ATOH8: variants seen among roughly 807,000 people sequenced by gnomAD.
The protein encoded by ATOH8 is atonal bHLH transcription factor 8.
A neutral mutation model predicts 21.2 loss-of-function variants in ATOH8; 9 were observed. The ratio of observed to expected loss-of-function variants is 0.42; its 90% CI spans 0.26 to 0.74. The LOEUF (loss-of-function observed/expected upper bound fraction) is 0.74, where lower values mean the gene tolerates loss of function less well. ATOH8 is among the 30% of genes least tolerant of loss of function. ATOH8 has a pLI of 0.24. For missense variants in ATOH8, 524 were observed against 470.9 expected (o/e 1.11, Z -1.04); for synonymous variants, 253 against 224.0 (o/e 1.13, Z -1.16).
intron 2 of ATOH8, among the ~76,000 whole-genome samples, chr2:85,767,874 G>A (rs1161363701): frequency 7.2e-5 from 11 of 152,226 alleles, no homozygotes; most frequent in Non-Finnish European, 1.3e-4. Flanking sequence ...GGGCACAGGA[G>A]GGCAGGAGAG....
chr2:85,790,602 T>A lies in ATOH8; in HGVS notation c.*3712T>A. Among the ~76,000 whole-genome samples the A allele has an allele frequency of 6.6e-6, 1 of 152,182 alleles. No homozygotes were observed. Among genetic ancestry groups the A allele is most frequent in the Non-Finnish European group, 1.5e-5 (1 of 68,022 alleles). On this transcript the variant is annotated 3_prime_UTR_variant, in exon 3 of 3. Transcript: ENST00000306279. ...CTGTGCTGTTCTCTTTTTTTCTGGA[T>A]TTCTCCACCTCCACCAAGTTCCCCT... is the stretch of plus-strand genomic sequence containing the variant.
In ATOH8 at chr2:85,754,124, C is replaced by T. The variant is rs2104486049; in HGVS notation, c.-66C>T. 1.4e-6 allele frequency: 2 copies of T among 1,410,020 alleles called. No homozygotes were observed. Among genetic ancestry groups the T allele is most frequent in the South Asian group, 1.6e-5 (1 of 63,420 alleles). The allele number at this position is 1,410,020 out of a possible 1,614,324, so 87.3% of individuals were successfully genotyped here. ...GGGCGAAGCGGGAGAGCCAGAGACT[C>T]CTCGGCGCTGAGCGCGGCGGCGGCC... On this transcript the variant is annotated 5_prime_UTR_variant, in exon 1 of 3. Transcript: ENST00000306279.
chr2:85,765,842 G>A (rs1680001424), intron 2 of ATOH8, among the ~76,000 whole-genome samples: 1 of 152,192 alleles, frequency 6.6e-6, no homozygotes. Context: ...AAGTTGGGTG[G>A]AGAGGCCCGA....
At chr2:85,767,414 T>G (rs1453594425) in intron 2 of ATOH8, among the ~76,000 whole-genome samples, 1 of 151,814 alleles carries the variant, frequency 6.6e-6, no homozygotes, top group Non-Finnish European at 1.5e-5. Context: ...GCCCAGGAAC[T>G]TATAACAGGT....
chr2:85,774,299 C>G (rs1680267977), intron 2 of ATOH8: 4 of 985,530 alleles, frequency 4.1e-6, no homozygotes, highest in Non-Finnish European at 4.8e-6. Context: ...AAGAGGAGGA[C>G]AGGGCTGCCC....
intron 2 of ATOH8, among the ~76,000 whole-genome samples, chr2:85,779,351 AAAG>A (rs1377129144): frequency 3.3e-5 from 5 of 152,288 alleles, no homozygotes; most frequent in East Asian, 3.8e-4. Flanking sequence ...AGAGAAAAAC[AAAG>A]AAGAGGCCAA....
At chr2:85,755,915 A>G (rs1480075539) in intron 1 of ATOH8, among the ~76,000 whole-genome samples, 1 of 149,348 alleles carries the variant, frequency 6.7e-6, no homozygotes. Flanking sequence ...TTTTCTTTTT[A>G]TTTGCATACT....
At position 85,786,996 on chromosome 2, in the gene ATOH8, C is replaced by A; in HGVS notation, c.*106C>A. The A allele has an allele frequency of 6.9e-7, 1 of 1,452,140 alleles. No individual in the cohort carries two copies. The highest frequency in any genetic ancestry group is 1.2e-5 in the South Asian group (1 of 84,754). 90.0% of individuals were successfully genotyped at this position (1,452,140 alleles called of 1,614,324 possible). ...CAGCCTCGTGGTCTTCTCCAAGATG[C>A]CGCCAGATGCCCAGCCTACAGCCTC... On this transcript the variant is annotated 3_prime_UTR_variant, in exon 3 of 3. Transcript: ENST00000306279.
chr2:85,759,556 A>G (rs1002370944), intron 1 of ATOH8, among the ~76,000 whole-genome samples: 9 of 151,992 alleles, frequency 5.9e-5, no homozygotes, highest in Non-Finnish European at 1.2e-4. Context: ...CTTAACCACC[A>G]AGACCCAGGT....
At chr2:85,769,520 G>A (rs1187090293) in intron 2 of ATOH8, among the ~76,000 whole-genome samples, 1 of 152,254 alleles carries the variant, frequency 6.6e-6, no homozygotes, top group East Asian at 1.9e-4. Flanking sequence ...CATGAGATCT[G>A]TGTCCTCCCT....
At chr2:85,759,075 C>CA (rs1320098217) in intron 1 of ATOH8, among the ~76,000 whole-genome samples, 1 of 152,206 alleles carries the variant, frequency 6.6e-6, no homozygotes, top group African/African-American at 2.4e-5. Flanking sequence ...GAGGACATGC[C>CA]AAGCACCTGG....
chr2:85,772,643 CAGCGCG>C, intron 2 of ATOH8: 1 of 452,218 alleles, frequency 2.2e-6, no homozygotes, highest in South Asian at 1.6e-5. Flanking sequence ...CAGGATACAA[CAGCGCG>C]AGCAGCTGGT....
intron 2 of ATOH8, among the ~76,000 whole-genome samples, chr2:85,776,111 G>C (rs1680312916): frequency 6.6e-6 from 1 of 152,220 alleles, no homozygotes; most frequent in Non-Finnish European, 1.5e-5. Flanking sequence ...AGCTCCTGGG[G>C]TCCACATTAT....
intron 2 of ATOH8, among the ~76,000 whole-genome samples, chr2:85,764,826 C>G (rs868562016): frequency 1.3e-5 from 2 of 152,198 alleles, no homozygotes; most frequent in African/African-American, 4.8e-5. Context: ...CAGTGGAAGG[C>G]CAGGTAGAAG....
At chr2:85,783,374 A>C (rs778612392) in intron 2 of ATOH8, among the ~76,000 whole-genome samples, 1 of 152,170 alleles carries the variant, frequency 6.6e-6, no homozygotes, top group African/African-American at 2.4e-5. Flanking sequence ...GTTCAAGACC[A>C]GCCTGGCCAT....
rs1679635657 is a variant in ATOH8 at position 85,754,858 on chromosome 2, G to A, written c.669G>A (p.Glu223=). ...RPGEATAASS[E]IKALQQTRRL... is the part of the protein sequence containing the mutation. ...GCGAAGCGACTGCCGCCTCCTCCGA[G>A]ATCAAAGCCCTGCAGCAGACCCGGA... is the stretch of plus-strand genomic sequence containing the variant. The change falls in exon 1 of 3, where the codon GAG becomes GAA. Residue 223 remains glutamate, a synonymous_variant. Transcript: ENST00000306279. The A allele has an allele frequency of 6.2e-7, 1 of 1,612,348 alleles. No individual in the cohort carries two copies. The highest frequency in any genetic ancestry group is 8.5e-7 in the Non-Finnish European group (1 of 1,179,898).
chr2:85,786,337 G>A (rs960689707), intron 2 of ATOH8, among the ~76,000 whole-genome samples: 1 of 152,240 alleles, frequency 6.6e-6, no homozygotes, highest in African/African-American at 2.4e-5. Flanking sequence ...TCATCGATCT[G>A]CTCCAGCCAC....
In ATOH8 at chr2:85,754,053, G is replaced by C. The variant is rs1679580622; in HGVS notation, c.-137G>C. ...GCGGCTTCCCGAAGCCGGCGGCGCA[G>C]CTGCCCGGGGCGAGGGGGAGAAAGG... On this transcript the variant is annotated 5_prime_UTR_variant, in exon 1 of 3. Transcript: ENST00000306279. 1 of 1,140,720 alleles carries C rather than the reference G, an allele frequency of 8.8e-7. No homozygotes were observed. The highest frequency in any genetic ancestry group is 1.2e-6 in the Non-Finnish European group (1 of 864,948). The allele number at this position is 1,140,720 out of a possible 1,614,324, so 70.7% of individuals were successfully genotyped here. A position where few individuals can be genotyped will look rare whatever the true frequency, so the allele number is the denominator to read the frequency against.
intron 2 of ATOH8, among the ~76,000 whole-genome samples, chr2:85,777,924 A>G (rs550563338): frequency 5.9e-5 from 9 of 152,318 alleles, no homozygotes; most frequent in African/African-American, 2.2e-4. Context: ...GCCCATACAG[A>G]GGGAGGCCCT....
Sources: allele counts gnomAD v4.1 joint callset (sites outside exome capture counted in the v4.1 genomes callset), GRCh38; gene constraint gnomAD v4.1.1; transcripts MANE v1.5; gene names NCBI Gene and HGNC (gene_info 2026-07-23, HGNC 2026-07-21).